Variants in PRKX observed in about 807,000 individuals in gnomAD.
The protein encoded by PRKX is cAMP-dependent protein kinase catalytic subunit PRKX.
Under a neutral mutation model 22.0 loss-of-function variants are expected in PRKX, and 12 were observed. That is an observed-to-expected ratio of 0.54 (90% CI 0.35 to 0.88). The LOEUF (loss-of-function observed/expected upper bound fraction) is 0.88. PRKX is among the 40% of genes least tolerant of loss of function. The probability of loss-of-function intolerance (pLI) is 0.01; values close to 1 mark genes in which losing one functional copy is unlikely to be tolerated. For synonymous variants in PRKX, 134 were observed against 137.7 expected (o/e 0.97, Z 0.19); for missense variants, 217 against 308.0 (o/e 0.70, Z 2.21).
At chrX:3,689,259 G>A (rs1928247420) in intron 1 of PRKX, among the ~76,000 whole-genome samples, 1 of 112,844 alleles carries the variant, frequency 8.9e-6, no homozygotes, top group South Asian at 3.6e-4. Flanking sequence ...ATGCTACCAT[G>A]GAGGAAATAA....
At chrX:3,700,466 C>G (rs1463776847) in intron 1 of PRKX, among the ~76,000 whole-genome samples, 2 of 112,498 alleles carry the variant, frequency 1.8e-5, no homozygotes, top group African/African-American at 6.4e-5. Context: ...TCACGTCCAA[C>G]AACAACTATT....
chrX:3,648,857 T>C (rs1467020574), intron 3 of PRKX, among the ~76,000 whole-genome samples: 1 of 109,754 alleles, frequency 9.1e-6, no homozygotes, highest in African/African-American at 3.3e-5. Context: ...GGTGGAAGGA[T>C]TGCTTGAGGC....
chrX:3,660,768 A>G (rs1179810087), intron 2 of PRKX, among the ~76,000 whole-genome samples: 1 of 111,640 alleles, frequency 9.0e-6, no homozygotes, highest in Admixed American at 9.6e-5. Context: ...CCCTGACAAT[A>G]CAAACATCTC....
At chrX:3,613,518 A>ATAAAG (rs200872515) in intron 7 of PRKX, among the ~76,000 whole-genome samples, 2,217 of 110,490 alleles carry the variant, frequency 0.02, 26 homozygotes, top group Non-Finnish European at 0.03. Context: ...ATTTAATACA[A>ATAAAG]TAAAGTATTT....
chrX:3,653,699 GATATATATA>G (rs1221569144), intron 3 of PRKX, among the ~76,000 whole-genome samples: 2 of 57,783 alleles, frequency 3.5e-5, no homozygotes, highest in South Asian at 9.5e-4. Context: ...TATACTATGT[GATATATATA>G]ATATATATAA....
chrX:3,699,496 G>C (rs951227359), intron 1 of PRKX, among the ~76,000 whole-genome samples: 1 of 109,942 alleles, frequency 9.1e-6, no homozygotes. Flanking sequence ...GGGATTACAA[G>C]CACCTGCCAC....
chrX:3,626,398 T>C lies in PRKX; in HGVS notation c.815+21A>G, dbSNP rs180759099. ...CTTTAAAAATAAACACACCTCATGA[T>C]GAGGCAAACGGTTTACTTACTTTAC... On this transcript the variant is annotated intron_variant, in intron 5 of 8. Coordinates refer to ENST00000262848, the MANE Select transcript of PRKX (RefSeq NM_005044.5). The C allele has an allele frequency of 3.3e-5, 38 of 1,158,874 alleles. No homozygotes were observed. In the African/African-American group the frequency reaches 5.3e-4, roughly 16 times the overall value.
chrX:3,689,894 G>GTT (rs2146604357), intron 1 of PRKX, among the ~76,000 whole-genome samples: 2 of 110,690 alleles, frequency 1.8e-5, no homozygotes, highest in South Asian at 7.8e-4. Context: ...GGAGGATGGC[G>GTT]TGAACCCGGG....
chrX:3,638,263 C>A (rs1181744002), intron 4 of PRKX, among the ~76,000 whole-genome samples: 1 of 91,695 alleles, frequency 1.1e-5, no homozygotes, highest in Admixed American at 1.4e-4. Flanking sequence ...TTTTTAACTT[C>A]AGCGTACCCT....
chrX:3,692,816 G>A (rs941141052), intron 1 of PRKX, among the ~76,000 whole-genome samples: 3 of 111,199 alleles, frequency 2.7e-5, no homozygotes, highest in East Asian at 2.9e-4. Context: ...CGTGAGCCAC[G>A]GCGCCAGGTC....
chrX:3,629,801 G>A (rs12401052), intron 4 of PRKX, among the ~76,000 whole-genome samples: 1 of 111,206 alleles, frequency 9.0e-6, no homozygotes, highest in South Asian at 3.8e-4. Context: ...CCACAGGTGT[G>A]TGCCACCATG....
At chrX:3,712,930 C>A (rs1928821873) in intron 1 of PRKX, among the ~76,000 whole-genome samples, 158 bp downstream of exon 1, 1 of 112,669 alleles carries the variant, frequency 8.9e-6, no homozygotes, top group South Asian at 3.7e-4. Flanking sequence ...CCCGGGAAGA[C>A]CCGGGGCGCA....
intron 2 of PRKX, among the ~76,000 whole-genome samples, chrX:3,659,720 T>C (rs1223906676): frequency 7.0e-5 from 2 of 28,657 alleles, no homozygotes; most frequent in Non-Finnish European, 1.2e-4. Flanking sequence ...TTTTTTTGTT[T>C]TTTTTTTTGT....
rs139460124 is a variant in PRKX, at chrX:3,618,383, C to T, written c.874-2491G>A. Among the ~76,000 whole-genome samples the T allele has an allele frequency of 2.2e-3, 249 of 111,337 alleles. 4 individuals carry two copies. In the East Asian group the frequency reaches 0.035, roughly 15 times the overall value. ...CTGTAATCCTAGCACTTTGTGAGGCCAAGGTGGGCGGATCACTTGAGCTCA... is the reference window on the plus strand; with the variant it reads ...CTGTAATCCTAGCACTTTGTGAGGCTAAGGTGGGCGGATCACTTGAGCTCA... On this transcript the variant is annotated intron_variant, in intron 6 of 8. Coordinates refer to ENST00000262848, the MANE Select transcript of PRKX (RefSeq NM_005044.5).
intron 7 of PRKX, among the ~76,000 whole-genome samples, chrX:3,613,494 GT>G (rs1010894215): frequency 9.1e-6 from 1 of 109,601 alleles, no homozygotes; most frequent in Non-Finnish European, 1.9e-5. Context: ...TATTCAAATT[GT>G]TTTTTTAATG....
rs1356057768 is a variant in PRKX at position 3,606,861 on chromosome X, C to T, written c.*2108G>A. 2.7e-5 allele frequency: 3 copies of T among 111,797 alleles called. No homozygotes were observed. Among genetic ancestry groups the T allele is most frequent in the South Asian group, 3.8e-4 (1 of 2,646 alleles). The allele number at this position is 111,797 out of a possible 1,213,427, so 9.2% of individuals were successfully genotyped here. ...CCAAAGTGGGTTTCACACCATCACA[C>T]GTTCTTGGAATCGCTTCTAATTTCT... On this transcript the variant is annotated 3_prime_UTR_variant, in exon 9 of 9. Coordinates refer to ENST00000262848, the MANE Select transcript of PRKX (RefSeq NM_005044.5).
chrX:3,628,600 GT>G (rs1926707864), intron 4 of PRKX, among the ~76,000 whole-genome samples: 1 of 111,394 alleles, frequency 9.0e-6, no homozygotes, highest in African/African-American at 3.3e-5. Flanking sequence ...GCTGAGTGTG[GT>G]GGTGCATATG....
intron 2 of PRKX, among the ~76,000 whole-genome samples, chrX:3,670,567 A>G (rs939873009): frequency 3.6e-5 from 4 of 111,695 alleles, no homozygotes. Context: ...CTTTTTTGAG[A>G]CAGGGTCTTG....
chrX:3,633,216 G>A (rs1393116106), intron 4 of PRKX, among the ~76,000 whole-genome samples: 1 of 102,907 alleles, frequency 9.7e-6, no homozygotes, highest in African/African-American at 3.6e-5. Context: ...CTGCACCACT[G>A]CATTCCAATC....
Sources: allele counts gnomAD v4.1 joint callset (sites outside exome capture counted in the v4.1 genomes callset), GRCh38; gene constraint gnomAD v4.1.1; transcripts MANE v1.5; gene names NCBI Gene and HGNC (gene_info 2026-07-23, HGNC 2026-07-21).